MDFIC2: variants seen among roughly 807,000 people sequenced by gnomAD.
The protein encoded by MDFIC2 is myoD family inhibitor domain-containing protein 2.
At chr3:70,241,650 G>T (rs1326350272) in intron 2 of MDFIC2, among the ~76,000 whole-genome samples, 1 of 152,142 alleles carries the variant, frequency 6.6e-6, no homozygotes, top group African/African-American at 2.4e-5. Context: ...TCAGAAAGTG[G>T]TGGAAGCAAA....
At chr3:70,267,065 T>C (rs1183646696) in intron 2 of MDFIC2, among the ~76,000 whole-genome samples, 1 of 152,114 alleles carries the variant, frequency 6.6e-6, no homozygotes, top group Non-Finnish European at 1.5e-5. Context: ...GTCGTGCCAA[T>C]GAATGAAGTT....
chr3:70,208,512 T>A (rs988383749), intron 2 of MDFIC2, among the ~76,000 whole-genome samples: 12 of 152,084 alleles, frequency 7.9e-5, no homozygotes, highest in Non-Finnish European at 1.3e-4. Flanking sequence ...TCAGAATTTT[T>A]AAAGCTCTGG....
chr3:70,267,150 A>G (rs577071680), intron 2 of MDFIC2, among the ~76,000 whole-genome samples: 1 of 152,248 alleles, frequency 6.6e-6, no homozygotes, highest in South Asian at 2.1e-4. Flanking sequence ...CTATTTTTAT[A>G]AATTTTCTCT....
chr3:70,296,240 T>C (rs1479673652), intron 2 of MDFIC2, among the ~76,000 whole-genome samples: 2 of 152,156 alleles, frequency 1.3e-5, no homozygotes, highest in Non-Finnish European at 2.9e-5. Flanking sequence ...AAATAAGTTG[T>C]AGTTTGAAAC....
At chr3:70,215,247 CA>C (rs1348992347) in intron 2 of MDFIC2, among the ~76,000 whole-genome samples, 1 of 152,022 alleles carries the variant, frequency 6.6e-6, no homozygotes, top group Non-Finnish European at 1.5e-5. Flanking sequence ...GTGGTTTGCC[CA>C]AGATTACCCC....
intron 2 of MDFIC2, among the ~76,000 whole-genome samples, chr3:70,279,055 C>T (rs1702055848): frequency 6.7e-6 from 1 of 150,264 alleles, no homozygotes; most frequent in Non-Finnish European, 1.5e-5. Context: ...AGCTTTCTCC[C>T]TTTCCTAACA....
chr3:70,246,615 T>C (rs1365729989), intron 2 of MDFIC2, among the ~76,000 whole-genome samples: 4 of 152,084 alleles, frequency 2.6e-5, no homozygotes, highest in African/African-American at 7.2e-5. Flanking sequence ...ACATACTTGA[T>C]AACTGAAACG....
intron 3 of MDFIC2, among the ~76,000 whole-genome samples, chr3:70,200,453 A>G (rs535153743): frequency 6.6e-6 from 1 of 152,292 alleles, no homozygotes; most frequent in East Asian, 1.9e-4. Flanking sequence ...TGGAATGCAC[A>G]TGGCTCAGGG....
At chr3:70,285,213 C>G (rs1418540432) in intron 2 of MDFIC2, among the ~76,000 whole-genome samples, 2 of 121,736 alleles carry the variant, frequency 1.6e-5, no homozygotes, top group African/African-American at 6.1e-5. Context: ...CCCCCTCCCC[C>G]CACCCCACAA....
chr3:70,268,474 C>CAAAAAAAAAAAAAAAAAAAAAAA (rs66482424), intron 2 of MDFIC2, among the ~76,000 whole-genome samples: 1 of 96,616 alleles, frequency 1.0e-5, no homozygotes. Context: ...GACTCCGTCT[C>CAAAAAAAAAAAAAAAAAAAAAAA]AAAAAAAAAA....
At chr3:70,267,817 G>C (rs1701934828) in intron 2 of MDFIC2, among the ~76,000 whole-genome samples, 1 of 151,832 alleles carries the variant, frequency 6.6e-6, no homozygotes, top group Admixed American at 6.6e-5. Context: ...AGTTTTGTTA[G>C]GTAAAAAATG....
intron 2 of MDFIC2, chr3:70,291,260 A>G (rs73102677): frequency 0.13 from 19,320 of 152,174 alleles, 1,349 homozygotes; most frequent in South Asian, 0.21. Context: ...TACATTATCT[A>G]GGACTCTATT....
chr3:70,238,130 G>C (rs1701630712), intron 2 of MDFIC2, among the ~76,000 whole-genome samples: 1 of 151,790 alleles, frequency 6.6e-6, no homozygotes, highest in Non-Finnish European at 1.5e-5. Flanking sequence ...GATAGCCAGA[G>C]TCCTCTATCT....
chr3:70,242,479 T>G (rs1220173709), intron 2 of MDFIC2, among the ~76,000 whole-genome samples: 1 of 152,190 alleles, frequency 6.6e-6, no homozygotes, highest in African/African-American at 2.4e-5. Context: ...GGGCAGTTAC[T>G]TGGACAAGCA....
chr3:70,281,513 G>T (rs1477754666), intron 2 of MDFIC2, among the ~76,000 whole-genome samples: 1 of 152,178 alleles, frequency 6.6e-6, no homozygotes, highest in Non-Finnish European at 1.5e-5. Context: ...CTCTTTAATA[G>T]TAGTGGAGGT....
intron 2 of MDFIC2, among the ~76,000 whole-genome samples, chr3:70,221,759 C>G (rs898159723): frequency 2.0e-5 from 3 of 152,122 alleles, no homozygotes; most frequent in African/African-American, 7.2e-5. Flanking sequence ...TGTCCCAATC[C>G]TTGGGACCGT....
chr3:70,268,349 C>A (rs892428909), intron 2 of MDFIC2, among the ~76,000 whole-genome samples: 2 of 152,016 alleles, frequency 1.3e-5, no homozygotes, highest in Admixed American at 1.3e-4. Context: ...GTTGTGTGCA[C>A]CTGTAGTCGT....
rs529064111 is a variant in MDFIC2 at position 70,286,765 on chromosome 3, G to C, written c.88+25121C>G. Among the ~76,000 whole-genome samples, 347 of 152,086 alleles carry C rather than the reference G, an allele frequency of 2.3e-3. 1 individual carries two copies. Among genetic ancestry groups the C allele is most frequent in the Non-Finnish European group, 4.5e-3 (309 of 67,986 alleles). The stretch of plus-strand genomic sequence containing the variant: ...AGTGGTTTGTAGTTCTCCTTGAAGA[G>C]GTCCTTCACATCCCTTATAAGTTGG... On this transcript the variant is annotated intron_variant, in intron 2 of 3. Transcript: ENST00000567252.
intron 2 of MDFIC2, among the ~76,000 whole-genome samples, chr3:70,284,511 T>G (rs1702121224): frequency 6.6e-6 from 1 of 152,144 alleles, no homozygotes; most frequent in African/African-American, 2.4e-5. Context: ...TGCCCATCAA[T>G]GATAGACTGG....
Sources: gnomAD v4.1 joint callset for allele counts (sites outside exome capture counted in the v4.1 genomes callset) on GRCh38, gnomAD v4.1.1 for gene constraint, MANE v1.5 for transcripts, NCBI Gene and HGNC (gene_info 2026-07-23, HGNC 2026-07-21) for gene names.